Variants in TMEM108 observed in about 807,000 individuals in gnomAD.
The protein encoded by TMEM108 is cancer/testis antigen 124.
TMEM108 carries 12 observed loss-of-function variants against 35.1 expected under a neutral mutation model. The ratio of observed to expected loss-of-function variants is 0.34; its 90% confidence interval spans 0.22 to 0.55. The LOEUF (loss-of-function observed/expected upper bound fraction) is 0.55, where lower values mean the gene tolerates loss of function less well. Among genes scored for constraint, TMEM108 ranks in the 20% least tolerant of loss-of-function variants. The probability of loss-of-function intolerance (pLI) is 0.89; values close to 1 mark genes in which losing one functional copy is unlikely to be tolerated. For synonymous variants in TMEM108, 287 were observed against 308.6 expected, an observed-to-expected ratio of 0.93 and a Z score of 0.73; for missense variants, 680 against 753.3, an observed-to-expected ratio of 0.90 and a Z score of 1.14.
chr3:133,302,418 T>TCTTTC (rs201317998), intron 3 of TMEM108, among the ~76,000 whole-genome samples: 6 of 117,762 alleles, frequency 5.1e-5, no homozygotes, highest in Admixed American at 2.7e-4. Flanking sequence ...TTTCTTTCTT[T>TCTTTC]TTTTTTTTTT....
At chr3:133,280,322 G>A (rs1237132137) in intron 3 of TMEM108, among the ~76,000 whole-genome samples, 1 of 152,144 alleles carries the variant, frequency 6.6e-6, no homozygotes, top group Non-Finnish European at 1.5e-5. Flanking sequence ...AAAATTTTCT[G>A]CTTCTTGTCT....
At chr3:133,199,116 G>C (rs1035794677) in intron 2 of TMEM108, among the ~76,000 whole-genome samples, 4 of 152,082 alleles carry the variant, frequency 2.6e-5, no homozygotes, top group Non-Finnish European at 5.9e-5. Flanking sequence ...CCTAGTTCTT[G>C]TGCCATGGTT....
chr3:133,114,227 C>T (rs73007407), intron 2 of TMEM108, among the ~76,000 whole-genome samples: 9,314 of 152,192 alleles, frequency 0.061, 959 homozygotes, highest in African/African-American at 0.21. Flanking sequence ...TAATAAATTA[C>T]ACCACTCATG....
rs1946117471 is a variant in TMEM108, at chr3:133,229,284, T to C, written c.-28T>C. 1.3e-5 allele frequency: 21 copies of C among 1,607,044 alleles called. No individual in the cohort carries two copies. In the East Asian group the frequency reaches 4.7e-4, roughly 36 times the overall value. The stretch of plus-strand genomic sequence containing the variant: ...TTCCTAGACAGAATCATGAATAAAC[T>C]GGAGGATAAGCAGGACCAGATGATA... On this transcript the variant is annotated 5_prime_UTR_variant, in exon 3 of 6. Transcript: ENST00000321871.
rs539949753 is a variant in TMEM108, at chr3:133,388,691, C to T, written c.1451-1489C>T. On this transcript the variant is annotated intron_variant, in intron 4 of 5. Coordinates refer to ENST00000321871, the MANE Select transcript of TMEM108 (RefSeq NM_023943.4). ...AGTAGAAACTTACCCTATCTCCTAA[C>T]CTTGTACAGAGACCTTTCCAGGTTG... The T allele has an allele frequency of 4.1e-6, 4 of 985,442 alleles. No individual in the cohort carries two copies. The South Asian group carries it at 1.4e-4, about 35-fold the overall frequency. The allele number at this position is 985,442 out of a possible 1,614,324, so 61.0% of individuals were successfully genotyped here.
At chr3:133,081,591 A>G (rs10512887) in intron 2 of TMEM108, among the ~76,000 whole-genome samples, 21,625 of 152,224 alleles carry the variant, frequency 0.14, 1,533 homozygotes, top group East Asian at 0.18. Context: ...ATTTCCCTGC[A>G]GGCCAGAATA....
rs528636828 is a variant in TMEM108 at position 133,259,676 on chromosome 3, T to C, written c.40+30325T>C. Among the ~76,000 whole-genome samples the C allele has an allele frequency of 2.0e-5, 3 of 152,344 alleles. No homozygotes were observed. The South Asian group carries it at 6.2e-4, about 32-fold the overall frequency. Reference sequence around the variant, plus strand: ...GGTTCAAGGAAATAGAATTTTTCAATAGGAGGACAAGAGTACCTTTGGGTC... The same window carrying C: ...GGTTCAAGGAAATAGAATTTTTCAACAGGAGGACAAGAGTACCTTTGGGTC... On this transcript the variant is annotated intron_variant, in intron 3 of 5. Coordinates refer to ENST00000321871, the MANE Select transcript of TMEM108 (RefSeq NM_023943.4).
At chr3:133,074,281 A>G (rs774989943) in intron 2 of TMEM108, 16 of 152,050 alleles carry the variant, frequency 1.1e-4, no homozygotes, top group Non-Finnish European at 1.9e-4. Flanking sequence ...TTCCCCCCCA[A>G]CAAGCAATCA....
chr3:133,131,807 T>C (rs1421603814), intron 2 of TMEM108, among the ~76,000 whole-genome samples: 2 of 152,140 alleles, frequency 1.3e-5, no homozygotes, highest in African/African-American at 2.4e-5. Flanking sequence ...TTAAAAGTCC[T>C]ACTCCAGTTA....
chr3:133,259,675 A>G (rs767158585), intron 3 of TMEM108, among the ~76,000 whole-genome samples: 16 of 152,230 alleles, frequency 1.1e-4, no homozygotes, highest in South Asian at 4.1e-4. Flanking sequence ...GAATTTTTCA[A>G]TAGGAGGACA....
At chr3:133,133,901 C>G (rs1944527384) in intron 2 of TMEM108, among the ~76,000 whole-genome samples, 1 of 151,660 alleles carries the variant, frequency 6.6e-6, no homozygotes, top group Admixed American at 6.6e-5. Flanking sequence ...GTAGCTGGGA[C>G]TATAGTCACC....
chr3:133,062,725 G>A (rs9289437), intron 2 of TMEM108, among the ~76,000 whole-genome samples: 97,166 of 152,120 alleles, frequency 0.64, 31,746 homozygotes, highest in African/African-American at 0.78. Context: ...GGAAGGAGAA[G>A]GTTTGGAGAC....
chr3:133,171,958 T>A (rs1945136586), intron 2 of TMEM108, among the ~76,000 whole-genome samples: 1 of 152,202 alleles, frequency 6.6e-6, no homozygotes, highest in Admixed American at 6.5e-5. Flanking sequence ...AGTGTCTCAT[T>A]TACCACTTTT....
chr3:133,173,206 C>T (rs976029478), intron 2 of TMEM108, among the ~76,000 whole-genome samples: 10 of 152,294 alleles, frequency 6.6e-5, no homozygotes, highest in South Asian at 2.1e-4. Flanking sequence ...AGAAAAATAA[C>T]GTTGCACTGT....
chr3:133,146,207 G>A (rs1298887700), intron 2 of TMEM108, among the ~76,000 whole-genome samples: 1 of 152,196 alleles, frequency 6.6e-6, no homozygotes, highest in Non-Finnish European at 1.5e-5. Context: ...GGCATTTTCT[G>A]CATCTATTGA....
At chr3:133,061,521 C>G (rs1394896882) in intron 2 of TMEM108, among the ~76,000 whole-genome samples, 1 of 152,142 alleles carries the variant, frequency 6.6e-6, no homozygotes, top group African/African-American at 2.4e-5. Flanking sequence ...CCGGGCATGT[C>G]TCATTCTTAA....
intron 3 of TMEM108, among the ~76,000 whole-genome samples, chr3:133,276,642 A>G (rs1334811431): frequency 3.3e-5 from 5 of 152,190 alleles, no homozygotes; most frequent in Non-Finnish European, 7.4e-5. Context: ...GAAGAGAGTA[A>G]ACTAGGAACT....
At chr3:133,243,809 C>T (rs1946347304) in intron 3 of TMEM108, among the ~76,000 whole-genome samples, 1 of 152,188 alleles carries the variant, frequency 6.6e-6, no homozygotes, top group African/African-American at 2.4e-5. Context: ...CAGGCATGAG[C>T]CACCGCGCCC....
chr3:133,100,416 A>G lies in TMEM108; in HGVS notation c.-47+54396A>G, dbSNP rs368377623. 2.4e-4 allele frequency among the ~76,000 whole-genome samples: 37 copies of G among 152,222 alleles called. 1 individual carries two copies. The East Asian group carries it at 3.1e-3, about 13-fold the overall frequency. On this transcript the variant is annotated intron_variant, in intron 2 of 5. Transcript: ENST00000321871. ...TGAATTTGAGACCAGCTCTGGCAAT[A>G]TGGTGAAACGCTGTCTCTACAAAAA...
Sources: allele counts gnomAD v4.1 joint callset (sites outside exome capture counted in the v4.1 genomes callset), GRCh38; gene constraint gnomAD v4.1.1; transcripts MANE v1.5; gene names NCBI Gene and HGNC (gene_info 2026-07-23, HGNC 2026-07-21).